The following AQP7 variants were observed in gnomAD, a reference collection of about 807,000 sequenced individuals.
AQP7 encodes the protein aquaporin 7, also known as aquaporin-7.
Under a neutral mutation model 26.1 loss-of-function variants are expected in AQP7, and 22 were observed. That is an observed-to-expected ratio of 0.84 (90% CI 0.60 to 1.20). AQP7 has a LOEUF of 1.20. Among genes scored for constraint, AQP7 ranks in the 50% most tolerant of loss-of-function variants. AQP7 has a pLI of 0.00. For missense variants in AQP7, 412 were observed against 457.5 expected (o/e 0.90, Z 0.91); for synonymous variants, 167 against 181.7 (o/e 0.92, Z 0.65).
At chr9:33,393,008 A>T (rs10124065) in intron 3 of AQP7, among the ~76,000 whole-genome samples, 41,879 of 152,144 alleles carry the variant, frequency 0.28, 5,932 homozygotes, top group South Asian at 0.34. Context: ...CAGGCAGATC[A>T]CCTGAATTCG....
At chr9:33,397,743 T>C (rs544522730) in intron 2 of AQP7, among the ~76,000 whole-genome samples, 3 of 150,576 alleles carry the variant, frequency 2.0e-5, no homozygotes, top group South Asian at 4.4e-4. Context: ...CTGGCCCCCA[T>C]CCAACCCCAG....
In AQP7 at chr9:33,401,248, G is replaced by T. The variant is rs3877999; in HGVS notation, c.15C>A (p.Ser5=). 6.5e-7 allele frequency: 1 copy of T among 1,549,290 alleles called. No individual in the cohort carries two copies. Among genetic ancestry groups the T allele is most frequent in the South Asian group, 1.2e-5 (1 of 83,960 alleles). The change falls in exon 2 of 8, where the codon TCC becomes TCA. Residue 5 remains serine, a synonymous_variant. Coordinates refer to ENST00000297988, the MANE Select transcript of AQP7 (RefSeq NM_001170.3). The stretch of plus-strand genomic sequence containing the variant: ...GGTGGGGTACTTACCGCCTGTGCCC[G>T]GATGCTTGAACCATGTTTTGTCTTT... MVQA[S]GHRRSTRGSK... is the part of the protein sequence containing the mutation.
Position 33,385,692 on chromosome 9 carries a change from G to C in AQP7, c.700C>G (p.Arg234Gly), listed in dbSNP as rs139024279. 55 of 1,613,740 alleles carry C rather than the reference G, an allele frequency of 3.4e-5. No homozygotes were observed. The highest frequency in any genetic ancestry group is 1.9e-4 in the South Asian group (17 of 91,054). Residue 234 changes from arginine to glycine, a missense_variant, in exon 7 of 8, where the codon CGC (arginine) becomes GGC (glycine). By Grantham distance (125) the Arg-to-Gly change is moderately radical. Coordinates refer to ENST00000297988, the MANE Select transcript of AQP7 (RefSeq NM_001170.3). ...AINPSRDLPP[R>G]IFTFIAGWGK... ...CAACCAGCAATGAAGGTGAAGATGC[G>C]GGGGGGCAGGTCCCGGGACGGGTTG...
In AQP7 at chr9:33,384,702, A is replaced by C; in HGVS notation, c.*303T>G. The stretch of plus-strand genomic sequence containing the variant: ...CCAGTCAGCTACGGTCTGTTCCCCA[A>C]AACCACCCTTCCTTCCCCCGTGCCT... On this transcript the variant is annotated 3_prime_UTR_variant, in exon 8 of 8. Transcript: ENST00000297988. The C allele has an allele frequency of 3.5e-6, 1 of 283,406 alleles. No homozygotes were observed. Among genetic ancestry groups the C allele is most frequent in the Non-Finnish European group, 6.6e-6 (1 of 152,100 alleles). The allele number at this position is 283,406 out of a possible 1,614,324, so 17.6% of individuals were successfully genotyped here.
intron 2 of AQP7, among the ~76,000 whole-genome samples, chr9:33,399,070 G>A (rs1826057944): frequency 6.7e-6 from 1 of 150,116 alleles, no homozygotes. Flanking sequence ...ACTTCCCAGG[G>A]TTCAAGCAAT....
At chr9:33,387,434 C>T (rs1367377187) in intron 3 of AQP7, among the ~76,000 whole-genome samples, 1 of 152,100 alleles carries the variant, frequency 6.6e-6, no homozygotes, top group Non-Finnish European at 1.5e-5. Flanking sequence ...CATTGCACCC[C>T]CTCAGAGTCT....
rs995021761 is a variant in AQP7 at position 33,402,480 on chromosome 9, A to G, written c.-133T>C. On this transcript the variant is annotated 5_prime_UTR_variant, in exon 1 of 8. Transcript: ENST00000297988. The stretch of plus-strand genomic sequence containing the variant: ...TGTCCCTGGCTCAGCTTCCACCCCC[A>G]GCTGGGGCTCAGCTATCCCTGTGTC... The G allele has an allele frequency of 5.2e-5, 8 of 152,668 alleles. No homozygotes were observed. The highest frequency in any genetic ancestry group is 1.9e-4 in the African/African-American group (8 of 41,424). The allele number at this position is 152,668 out of a possible 1,614,324, so 9.5% of individuals were successfully genotyped here.
At chr9:33,394,934 C>A (rs547481035) in intron 3 of AQP7, 144 bp downstream of exon 3, 11 of 723,676 alleles carry the variant, frequency 1.5e-5, no homozygotes, top group Admixed American at 7.5e-5. Flanking sequence ...GAAAGCCCCC[C>A]CTCCTTACTT....
rs554863613 is a variant in AQP7, at chr9:33,398,386, G to A, written c.26+2851C>T. Among the ~76,000 whole-genome samples the A allele has an allele frequency of 2.0e-5, 3 of 152,036 alleles. No individual in the cohort carries two copies. In the East Asian group the frequency reaches 5.8e-4, roughly 29 times the overall value. On this transcript the variant is annotated intron_variant, in intron 2 of 7. Coordinates refer to ENST00000297988, the MANE Select transcript of AQP7 (RefSeq NM_001170.3). ...GGCCAAGTGGAGGGTTTCAGCAGGA[G>A]AGCTGCCTCCCCTGTGGAGGCCAGG... is the stretch of plus-strand genomic sequence containing the variant.
At chr9:33,396,606 C>A (rs1825870211) in intron 2 of AQP7, among the ~76,000 whole-genome samples, 1 of 148,044 alleles carries the variant, frequency 6.8e-6, no homozygotes, top group African/African-American at 2.5e-5. Flanking sequence ...TAGCTGCAGG[C>A]CTTTGCACAT....
rs139563609 is a variant in AQP7, at chr9:33,399,273, A to G, written c.26+1964T>C. Among the ~76,000 whole-genome samples the G allele has an allele frequency of 1.0e-3, 153 of 152,142 alleles. 1 individual carries two copies. Among genetic ancestry groups the G allele is most frequent in the African/African-American group, 3.5e-3 (146 of 41,506 alleles). ...CAACTAACCACGAGCCAACAATTCAACCTGCTAACCAACATTTCTTAATTC... is the reference window on the plus strand; with the variant it reads ...CAACTAACCACGAGCCAACAATTCAGCCTGCTAACCAACATTTCTTAATTC... On this transcript the variant is annotated intron_variant, in intron 2 of 7. Transcript: ENST00000297988.
chr9:33,387,957 C>T (rs1381858345), intron 3 of AQP7, among the ~76,000 whole-genome samples: 4 of 152,164 alleles, frequency 2.6e-5, no homozygotes, highest in Non-Finnish European at 4.4e-5. Context: ...AACACGCTGG[C>T]CAGCTGCTTC....
intron 2 of AQP7, among the ~76,000 whole-genome samples, chr9:33,398,493 A>G (rs1282246254): frequency 6.6e-6 from 1 of 152,246 alleles, no homozygotes; most frequent in Non-Finnish European, 1.5e-5. Context: ...TGAGCCACAG[A>G]GATGGCAGCG....
chr9:33,395,041 C>T (rs72707431), intron 3 of AQP7, 37 bp downstream of exon 3: 19 of 1,576,462 alleles, frequency 1.2e-5, no homozygotes, highest in Admixed American at 3.3e-5. Flanking sequence ...ACGGCCCTGG[C>T]GGAGCCCCAC....
rs1423757766 is a variant in AQP7 at position 33,385,688 on chromosome 9, A to C, written c.704T>G (p.Ile235Ser). ...INPSRDLPPR[I>S]FTFIAGWGKQ... ...GCCCCAACCAGCAATGAAGGTGAAG[A>C]TGCGGGGGGGCAGGTCCCGGGACGG... The change falls in exon 7 of 8, where the codon ATC becomes AGC. Residue 235 changes from isoleucine to serine, a missense_variant. Transcript: ENST00000297988. The C allele has an allele frequency of 1.2e-6, 2 of 1,613,754 alleles. No individual in the cohort carries two copies. Among genetic ancestry groups the C allele is most frequent in the African/African-American group, 2.7e-5 (2 of 74,900 alleles).
At chr9:33,385,991 G>A in intron 6 of AQP7, 86 bp downstream of exon 6, 1 of 1,583,110 alleles carries the variant, frequency 6.3e-7, no homozygotes, top group Non-Finnish European at 8.6e-7. Context: ...CAGAGTTCTT[G>A]TCCTGTCTAT....
chr9:33,386,600 C>T, intron 4 of AQP7, 59 bp from the exon 5 acceptor site: 1 of 1,569,454 alleles, frequency 6.4e-7, no homozygotes, highest in Non-Finnish European at 8.7e-7. Flanking sequence ...CAGTGACAAA[C>T]AGTATGAGAA....
Position 33,384,621 on chromosome 9 carries a change from G to A in AQP7, c.*384C>T, listed in dbSNP as rs564507636. On this transcript the variant is annotated 3_prime_UTR_variant, in exon 8 of 8. Coordinates refer to ENST00000297988, the MANE Select transcript of AQP7 (RefSeq NM_001170.3). Reference sequence around the variant, plus strand: ...CTCAGGGAAGGGAAGAACCAGGGGAGAGTCTAGAGTCCAATCTCAGGATCC... The same window carrying A: ...CTCAGGGAAGGGAAGAACCAGGGGAAAGTCTAGAGTCCAATCTCAGGATCC... The A allele has an allele frequency of 5.7e-4, 96 of 167,750 alleles. No homozygotes were observed. Among genetic ancestry groups the A allele is most frequent in the African/African-American group, 2.2e-3 (91 of 42,100 alleles). The allele number at this position is 167,750 out of a possible 1,614,324, so 10.4% of individuals were successfully genotyped here. A position where few individuals can be genotyped will look rare whatever the true frequency, so the allele number is the denominator to read the frequency against.
At chr9:33,390,075 C>T (rs1241768220) in intron 3 of AQP7, among the ~76,000 whole-genome samples, 2 of 150,974 alleles carry the variant, frequency 1.3e-5, no homozygotes, top group Non-Finnish European at 3.0e-5. Context: ...TTGAAAGACA[C>T]CAGTGTAGAC....
Sources: allele counts gnomAD v4.1 joint callset (sites outside exome capture counted in the v4.1 genomes callset), GRCh38; gene constraint gnomAD v4.1.1; transcripts MANE v1.5; gene names NCBI Gene and HGNC (gene_info 2026-07-23, HGNC 2026-07-21).